Variants in ADAMTS3 observed in about 807,000 individuals in gnomAD.
The protein encoded by ADAMTS3 is A disintegrin and metalloproteinase with thrombospondin motifs 3.
A neutral mutation model predicts 129.0 loss-of-function variants in ADAMTS3; 73 were observed. The observed-to-expected ratio is 0.57, with a 90% CI of 0.47 to 0.69. The LOEUF is 0.69. Ranked by LOEUF, ADAMTS3 falls within the 30% of genes least tolerant of loss-of-function variation. The probability of loss-of-function intolerance (pLI) is 0.00; values close to 1 mark genes in which losing one functional copy is unlikely to be tolerated. For synonymous variants in ADAMTS3, 477 were observed against 510.8 expected (o/e 0.93, Z 0.89); for missense variants, 1,457 against 1,514.5 (o/e 0.96, Z 0.63).
At chr4:72,494,919 T>C (rs1018032370) in intron 3 of ADAMTS3, among the ~76,000 whole-genome samples, 3 of 152,148 alleles carry the variant, frequency 2.0e-5, no homozygotes, top group African/African-American at 7.2e-5. Context: ...CAAATATACC[T>C]GGCAGCAAAA....
At chr4:72,283,738 G>T in intron 21 of ADAMTS3, 34 bp from the exon 22 acceptor site, 1 of 1,473,198 alleles carries the variant, frequency 6.8e-7, no homozygotes, top group Non-Finnish European at 9.0e-7. Context: ...ACTAACACTA[G>T]CATCTAAACA....
chr4:72,406,251 C>A (rs1260711829), intron 4 of ADAMTS3, among the ~76,000 whole-genome samples: 2 of 152,044 alleles, frequency 1.3e-5, no homozygotes, highest in Non-Finnish European at 2.9e-5. Flanking sequence ...TAGCAGATAC[C>A]ATGCAAAAAA....
chr4:72,565,005 G>A (rs1221568421), intron 2 of ADAMTS3, among the ~76,000 whole-genome samples: 1 of 152,156 alleles, frequency 6.6e-6, no homozygotes, highest in African/African-American at 2.4e-5. Context: ...AGGGATTCCA[G>A]TAATGTTCAA....
At position 72,313,799 on chromosome 4, in the gene ADAMTS3, C is replaced by T. The variant is rs1484265467; in HGVS notation, c.1623G>A (p.Met541Ile). Residue 541 changes from methionine to isoleucine, a missense_variant, in exon 12 of 22, where the codon ATG becomes ATA. Physicochemically the swap from Met to Ile is conservative, Grantham distance 10. Coordinates refer to ENST00000286657, the MANE Select transcript of ADAMTS3 (RefSeq NM_014243.3). ...AGKWCYKGHC[M>I]WKNANQQKQD... ...GTTTTTGCTGATTAGCATTCTTCCACATGCAATGACCCTTATAGCACCACT... is the reference window on the plus strand; with the variant it reads ...GTTTTTGCTGATTAGCATTCTTCCATATGCAATGACCCTTATAGCACCACT... The T allele has an allele frequency of 6.2e-7, 1 of 1,613,642 alleles. No homozygotes were observed. Among genetic ancestry groups the T allele is most frequent in the African/African-American group, 1.3e-5 (1 of 74,874 alleles).
At chr4:72,327,318 CTTAT>C (rs1719724004) in intron 5 of ADAMTS3, among the ~76,000 whole-genome samples, 1 of 152,060 alleles carries the variant, frequency 6.6e-6, no homozygotes, top group South Asian at 2.1e-4. Flanking sequence ...CTAAATAATT[CTTAT>C]TTATTAAGAA....
At chr4:72,321,008 G>T in intron 6 of ADAMTS3, 138 bp from the exon 7 acceptor site, 2 of 857,520 alleles carry the variant, frequency 2.3e-6, no homozygotes, top group Non-Finnish European at 3.4e-6. Flanking sequence ...TCTGATATTT[G>T]CTTTGATTTG....
rs58959548 is a variant in ADAMTS3 at position 72,304,097 on chromosome 4, G to A, written c.2261-17C>T. On this transcript the variant is annotated splice_polypyrimidine_tract_variant and intron_variant, in intron 16 of 21. Coordinates refer to ENST00000286657, the MANE Select transcript of ADAMTS3 (RefSeq NM_014243.3). The stretch of plus-strand genomic sequence containing the variant: ...TCTTAATAGCTAAAGGGAGAAAAAT[G>A]AGTAACCAGCATACATTTTATTTTA... 1.6e-3 allele frequency: 2,518 copies of A among 1,610,372 alleles called. 33 individuals carry two copies. The African/African-American group carries it at 0.028, about 18-fold the overall frequency.
At chr4:72,448,533 C>T (rs922375972) in intron 3 of ADAMTS3, among the ~76,000 whole-genome samples, 1 of 151,710 alleles carries the variant, frequency 6.6e-6, no homozygotes, top group Non-Finnish European at 1.5e-5. Context: ...TCACAAAGCT[C>T]ATATATGAGA....
intron 3 of ADAMTS3, 35 bp from the exon 4 acceptor site, chr4:72,415,006 G>T: frequency 2.2e-6 from 3 of 1,365,074 alleles, no homozygotes; most frequent in Non-Finnish European, 2.9e-6. Flanking sequence ...ATTTAAAAAA[G>T]AAATATCTAT....
intron 18 of ADAMTS3, among the ~76,000 whole-genome samples, chr4:72,297,676 C>A (rs747352108): frequency 6.6e-6 from 1 of 152,026 alleles, no homozygotes; most frequent in Non-Finnish European, 1.5e-5. Context: ...AGCATGTGTT[C>A]AGAAGCCAGG....
At chr4:72,451,018 A>AGAGAAGAG (rs1560520122) in intron 3 of ADAMTS3, among the ~76,000 whole-genome samples, 2 of 150,498 alleles carry the variant, frequency 1.3e-5, no homozygotes, top group Admixed American at 6.6e-5. Context: ...AGAGAAGAGA[A>AGAGAAGAG]ATTTGCAACA....
intron 4 of ADAMTS3, among the ~76,000 whole-genome samples, chr4:72,378,807 G>A (rs1721202660): frequency 6.6e-6 from 1 of 152,110 alleles, no homozygotes; most frequent in Admixed American, 6.5e-5. Context: ...GGCCTCAATT[G>A]TTGTTTTTAA....
chr4:72,292,361 T>C (rs1718695864), intron 19 of ADAMTS3, among the ~76,000 whole-genome samples: 1 of 152,238 alleles, frequency 6.6e-6, no homozygotes, highest in African/African-American at 2.4e-5. Flanking sequence ...TCTACAGTTG[T>C]TGCTATGAAG....
chr4:72,287,768 G>GAGCAC (rs755422891), intron 21 of ADAMTS3, among the ~76,000 whole-genome samples: 2 of 152,134 alleles, frequency 1.3e-5, no homozygotes, highest in Non-Finnish European at 2.9e-5. Context: ...ACAGATGACC[G>GAGCAC]AGCACAGGAC....
intron 4 of ADAMTS3, among the ~76,000 whole-genome samples, chr4:72,395,013 C>T (rs1488626640): frequency 3.9e-5 from 6 of 152,012 alleles, no homozygotes; most frequent in African/African-American, 1.4e-4. Flanking sequence ...CAACCTCCGC[C>T]TCCTGGGTGC....
At chr4:72,392,760 A>G (rs544834927) in intron 4 of ADAMTS3, among the ~76,000 whole-genome samples, 1 of 152,088 alleles carries the variant, frequency 6.6e-6, no homozygotes, top group African/African-American at 2.4e-5. Context: ...TTCTTTGCCT[A>G]AAACAAATTT....
chr4:72,308,937 T>C (rs1174284101), intron 15 of ADAMTS3, among the ~76,000 whole-genome samples: 1 of 152,018 alleles, frequency 6.6e-6, no homozygotes, highest in Non-Finnish European at 1.5e-5. Context: ...CCTAGATTTA[T>C]AAACAGGATA....
intron 9 of ADAMTS3, 149 bp from the exon 10 acceptor site, chr4:72,318,853 G>A: frequency 7.7e-6 from 6 of 777,122 alleles, no homozygotes. Flanking sequence ...TAAGGTTTTG[G>A]TTTTGGTTCC....
intron 2 of ADAMTS3, among the ~76,000 whole-genome samples, chr4:72,564,554 A>C (rs1300417473): frequency 1.3e-5 from 2 of 152,188 alleles, no homozygotes; most frequent in Admixed American, 6.5e-5. Context: ...GTGGTTAGAG[A>C]GGCAGTTCCT....
Sources: gnomAD v4.1 joint callset for allele counts (sites outside exome capture counted in the v4.1 genomes callset) on GRCh38, gnomAD v4.1.1 for gene constraint, MANE v1.5 for transcripts, NCBI Gene and HGNC (gene_info 2026-07-23, HGNC 2026-07-21) for gene names.